Variants in VPS13B observed in about 807,000 individuals in gnomAD.
The protein encoded by VPS13B is vacuolar protein sorting 13 homolog B.
In VPS13B, 285 loss-of-function variants were observed where a neutral mutation model predicts 426.4. The observed-to-expected ratio is 0.67, with a 90% CI of 0.61 to 0.74. The LOEUF (loss-of-function observed/expected upper bound fraction) is 0.74. VPS13B is among the 30% of genes least tolerant of loss of function. The pLI, the probability that VPS13B is intolerant of heterozygous loss-of-function variation, is 0.00. For synonymous variants in VPS13B, 1,676 were observed against 1,676.4 expected (o/e 1.00, Z 0.01); for missense variants, 4,537 against 4,782.6 (o/e 0.95, Z 1.51).
At chr8:99,595,881 G>T (rs1235908690) in intron 33 of VPS13B, among the ~76,000 whole-genome samples, 1 of 151,930 alleles carries the variant, frequency 6.6e-6, no homozygotes. Flanking sequence ...CAAAGATGTT[G>T]TAGAAATAAC....
chr8:99,696,554 C>G (rs1220326888), intron 35 of VPS13B: 21 of 506,340 alleles, frequency 4.1e-5, no homozygotes, highest in Non-Finnish European at 7.0e-5. Context: ...CCATGAAGCT[C>G]TTCCCCAGCA....
At chr8:99,729,007 T>TC (rs747193719) in intron 39 of VPS13B, among the ~76,000 whole-genome samples, 1 of 152,120 alleles carries the variant, frequency 6.6e-6, no homozygotes, top group Non-Finnish European at 1.5e-5. Flanking sequence ...CCCAGTACTT[T>TC]CCCCACAGCT....
intron 39 of VPS13B, among the ~76,000 whole-genome samples, chr8:99,747,498 A>G (rs1479756730): frequency 2.0e-5 from 3 of 152,004 alleles, no homozygotes; most frequent in Non-Finnish European, 2.9e-5. Context: ...CCTTTTAGAG[A>G]ATCTATAATC....
At chr8:99,818,912 A>G (rs201668453) in intron 47 of VPS13B, 24 bp downstream of exon 47, 3 of 1,313,034 alleles carry the variant, frequency 2.3e-6, no homozygotes, top group Non-Finnish European at 3.0e-6. Context: ...CCTTCCATAC[A>G]TTTTACATTT....
intron 3 of VPS13B, among the ~76,000 whole-genome samples, chr8:99,053,453 C>A (rs764483770): frequency 1.1e-4 from 16 of 152,092 alleles, no homozygotes; most frequent in Middle Eastern, 3.4e-3. Flanking sequence ...TCATCCAGGC[C>A]CCTACAAAGG....
chr8:99,155,097 G>A (rs190694460), intron 14 of VPS13B, among the ~76,000 whole-genome samples: 35 of 151,612 alleles, frequency 2.3e-4, no homozygotes, highest in African/African-American at 8.0e-4. Context: ...AAATTAAATT[G>A]TGAAACTGGA....
intron 35 of VPS13B, among the ~76,000 whole-genome samples, chr8:99,676,703 T>G (rs568478068): frequency 2.6e-5 from 4 of 152,094 alleles, no homozygotes; most frequent in Non-Finnish European, 4.4e-5. Context: ...TATTTTCTTG[T>G]GTGAATAGTT....
chr8:99,493,796 A>AAAAAAG (rs1820745661), intron 25 of VPS13B, among the ~76,000 whole-genome samples: 1 of 149,852 alleles, frequency 6.7e-6, no homozygotes, highest in African/African-American at 2.5e-5. Flanking sequence ...AAAAAAAAAA[A>AAAAAAG]AAAAAGAAAA....
chr8:99,112,403 A>T lies in VPS13B; in HGVS notation c.762+1124A>T, dbSNP rs558171402. ...TTACCTTATATTTTATTAAAAATAT[A>T]GTATTTTCTATTTTACGTAGCCTTA... On this transcript the variant is annotated intron_variant, in intron 6 of 61. Coordinates refer to ENST00000357162, the MANE Select transcript of VPS13B (RefSeq NM_152564.5). Among the ~76,000 whole-genome samples the T allele has an allele frequency of 4.4e-4, 67 of 152,322 alleles. 1 individual carries two copies. Among genetic ancestry groups the T allele is most frequent in the African/African-American group, 1.5e-3 (63 of 41,574 alleles).
chr8:99,449,586 A>G (rs968278014), intron 23 of VPS13B, among the ~76,000 whole-genome samples: 3 of 152,174 alleles, frequency 2.0e-5, no homozygotes, highest in African/African-American at 7.2e-5. Flanking sequence ...TGAGAAAGGA[A>G]GGAATAATTT....
At chr8:99,676,143 T>C (rs1422079934) in intron 35 of VPS13B, among the ~76,000 whole-genome samples, 1 of 152,132 alleles carries the variant, frequency 6.6e-6, no homozygotes, top group Non-Finnish European at 1.5e-5. Context: ...TCATGTTGTC[T>C]GGCATTGTCC....
At chr8:99,773,251 A>G (rs1563910701) in intron 40 of VPS13B, among the ~76,000 whole-genome samples, 1 of 152,234 alleles carries the variant, frequency 6.6e-6, no homozygotes, top group African/African-American at 2.4e-5. Flanking sequence ...ATAGCAGCGC[A>G]TACATTATTC....
In VPS13B at chr8:99,757,656, C is replaced by A. The variant is rs1273675829; in HGVS notation, c.7051-9118C>A. ...TTGTACCAAAAATATTTTTAAATGG[C>A]CAACACACATGCAAATCTTCCCAAA... is the stretch of plus-strand genomic sequence containing the variant. On this transcript the variant is annotated intron_variant, in intron 39 of 61. Transcript: ENST00000357162. Among the ~76,000 whole-genome samples, 4 of 152,236 alleles carry A rather than the reference C, an allele frequency of 2.6e-5. No individual in the cohort carries two copies. The South Asian group carries it at 6.2e-4, about 24-fold the overall frequency.
intron 17 of VPS13B, among the ~76,000 whole-genome samples, chr8:99,225,115 A>C (rs1761940382): frequency 3.3e-5 from 5 of 152,218 alleles, no homozygotes; most frequent in Admixed American, 2.6e-4. Flanking sequence ...ACACTGAGTA[A>C]TCTCTTTCTC....
At chr8:99,525,023 C>T (rs1014338614) in intron 30 of VPS13B, among the ~76,000 whole-genome samples, 1 of 152,116 alleles carries the variant, frequency 6.6e-6, no homozygotes, top group African/African-American at 2.4e-5. Flanking sequence ...ACCTGTCCTA[C>T]AAGAAATGCT....
chr8:99,637,078 A>C (rs889577934), intron 33 of VPS13B, among the ~76,000 whole-genome samples: 5 of 152,050 alleles, frequency 3.3e-5, no homozygotes, highest in Admixed American at 6.6e-5. Flanking sequence ...TATTTTTGAC[A>C]ACTTAAATTA....
intron 23 of VPS13B, among the ~76,000 whole-genome samples, chr8:99,457,555 T>A (rs1182188278): frequency 6.6e-6 from 1 of 152,190 alleles, no homozygotes; most frequent in African/African-American, 2.4e-5. Context: ...TTTAATTTCG[T>A]TGATTTTTTT....
chr8:99,706,693 T>G (rs1832513551), intron 36 of VPS13B, among the ~76,000 whole-genome samples: 1 of 152,180 alleles, frequency 6.6e-6, no homozygotes, highest in Non-Finnish European at 1.5e-5. Flanking sequence ...TGCCATTACA[T>G]TGGACACATA....
At chr8:99,193,141 A>G (rs1813700082) in intron 17 of VPS13B, 84 bp downstream of exon 17, 3 of 1,331,846 alleles carry the variant, frequency 2.3e-6, no homozygotes, top group African/African-American at 1.5e-5. Flanking sequence ...CCATATGTCT[A>G]GCATGGTCAA....
Sources: allele counts gnomAD v4.1 joint callset (sites outside exome capture counted in the v4.1 genomes callset), GRCh38; gene constraint gnomAD v4.1.1; transcripts MANE v1.5; gene names NCBI Gene and HGNC (gene_info 2026-07-23, HGNC 2026-07-21).